The following SPTB variants were observed in gnomAD, a reference collection of about 807,000 sequenced individuals.
The protein encoded by SPTB is spectrin beta, erythrocytic.
Under a neutral mutation model 256.2 loss-of-function variants are expected in SPTB, and 45 were observed. The ratio of observed to expected loss-of-function variants is 0.18; its 90% CI spans 0.14 to 0.23. The LOEUF (loss-of-function observed/expected upper bound fraction) is 0.23. Ranked by LOEUF, SPTB falls within the 10% of genes least tolerant of loss-of-function variation. The probability of loss-of-function intolerance (pLI) is 1.00; values close to 1 mark genes in which losing one functional copy is unlikely to be tolerated. For synonymous variants in SPTB, 1,231 were observed against 1,243.1 expected, an observed-to-expected ratio of 0.99 and a Z score of 0.21; for missense variants, 2,715 against 3,040.4, an observed-to-expected ratio of 0.89 and a Z score of 2.52.
rs768807740 is a variant in SPTB, at chr14:64,795,485, A to T, written c.1496T>A (p.Ile499Asn). 3.7e-6 allele frequency: 6 copies of T among 1,614,108 alleles called. No individual in the cohort carries two copies. The East Asian group carries it at 1.3e-4, about 36-fold the overall frequency. Residue 499 changes from isoleucine to asparagine, a missense_variant, in exon 12 of 36, where the codon ATC becomes AAC. Ile to Asn is a moderately radical substitution (Grantham distance 149). This residue lies in a region of SPTB where 2,239 missense variants were observed against 2,384.4 expected (regional missense o/e 0.94). Transcript: ENST00000644917. This position sits in a 1 kb window ranked among gnomAD's most constrained non-coding sequence, Gnocchi z 6.5. ...EKENYHDQKR[I>N]TARKDNILRL... is the part of the protein sequence containing the mutation. ...CAGTATATTGTCCTTGCGGGCCGTG[A>T]TGCGCTTCTGGTCATGGTAGTTCTC...
intron 1 of SPTB, among the ~76,000 whole-genome samples, chr14:64,861,857 G>A (rs17102244): frequency 0.029 from 4,464 of 152,240 alleles, 101 homozygotes; most frequent in South Asian, 0.12. Flanking sequence ...CGTTAGACAC[G>A]ATTAACCATC....
intron 32 of SPTB, among the ~76,000 whole-genome samples, chr14:64,765,579 A>C (rs1017942645): frequency 6.6e-5 from 10 of 152,152 alleles, no homozygotes; most frequent in African/African-American, 2.4e-4. Context: ...TGTTACTCAA[A>C]GCCCTGGGAT....
rs2082490043 is a variant in SPTB, at chr14:64,782,490, C to T, written c.4066G>A (p.Ala1356Thr). The T allele has an allele frequency of 6.2e-7, 1 of 1,614,164 alleles. No individual in the cohort carries two copies. Among genetic ancestry groups the T allele is most frequent in the African/African-American group, 1.3e-5 (1 of 75,066 alleles). ...FTALVSQKLE[A>T]LHRLWDELQA... Reference sequence around the variant, plus strand: ...AGCTCGTCCCAGAGCCGGTGCAGGGCTTCCAGCTTTTGGGACACCAGGGCT... The same window carrying T: ...AGCTCGTCCCAGAGCCGGTGCAGGGTTTCCAGCTTTTGGGACACCAGGGCT... The change falls in exon 20 of 36, where the codon GCC (alanine) becomes ACC (threonine). Residue 1356 changes from alanine to threonine, a missense_variant. By Grantham distance (58) the Ala-to-Thr change is moderately conservative (BLOSUM62 0). Around this residue, in one of 4 missense-constraint regions of SPTB, gnomAD observed 2,239 missense variants for 2,384.4 expected, o/e 0.94. Transcript: ENST00000644917.
chr14:64,771,118 G>T lies in SPTB; in HGVS notation c.5565C>A (p.Phe1855Leu). The change falls in exon 27 of 36, where the codon TTC becomes TTA. Residue 1855 changes from phenylalanine (F) to leucine (L), a missense_variant. Phe to Leu is a conservative substitution (Grantham distance 22). Around this residue, in one of 4 missense-constraint regions of SPTB, gnomAD observed 2,239 missense variants for 2,384.4 expected, o/e 0.94. Coordinates refer to ENST00000644917, the MANE Select transcript of SPTB (RefSeq NM_001355436.2). ...TCTGCAGACGGGTGGCCACGTCCTG[G>T]AACTGCTGCACCTGTGGTCAGGCAA... ...LHLLGVQVQQ[F>L]QDVATRLQTA... The T allele has an allele frequency of 6.2e-7, 1 of 1,613,840 alleles. No homozygotes were observed. Among genetic ancestry groups the T allele is most frequent in the South Asian group, 1.1e-5 (1 of 91,086 alleles).
At chr14:64,814,489 G>T (rs1314510126) in intron 2 of SPTB, among the ~76,000 whole-genome samples, 1 of 151,946 alleles carries the variant, frequency 6.6e-6, no homozygotes, top group Non-Finnish European at 1.5e-5. Flanking sequence ...ATGTTAAAAA[G>T]ATATCAAAGT....
At chr14:64,791,982 C>T in intron 14 of SPTB, 126 bp from the exon 15 acceptor site, 1 of 1,303,820 alleles carries the variant, frequency 7.7e-7, no homozygotes, top group East Asian at 2.5e-5. Flanking sequence ...AACCATTTGC[C>T]CAGGTGAGGC....
At chr14:64,809,395 G>C (rs938715237) in intron 2 of SPTB, among the ~76,000 whole-genome samples, 3 of 151,732 alleles carry the variant, frequency 2.0e-5, no homozygotes, top group African/African-American at 7.3e-5. Flanking sequence ...GCCTAGGCTG[G>C]AGTGCAGTGG....
chr14:64,818,838 G>A (rs1005032838), intron 2 of SPTB, among the ~76,000 whole-genome samples: 3 of 152,198 alleles, frequency 2.0e-5, no homozygotes, highest in African/African-American at 7.2e-5. Context: ...TGGAAGGATA[G>A]GAACTTGGGC....
chr14:64,810,027 A>C (rs1429482002), intron 2 of SPTB, among the ~76,000 whole-genome samples: 1 of 152,224 alleles, frequency 6.6e-6, no homozygotes, highest in Non-Finnish European at 1.5e-5. Flanking sequence ...AACTTCATTG[A>C]AAAAACATGC....
intron 7 of SPTB, 72 bp from the exon 8 acceptor site, chr14:64,800,940 C>G: frequency 8.5e-7 from 1 of 1,171,550 alleles, no homozygotes; most frequent in Admixed American, 2.0e-5. Flanking sequence ...GGGTTTATTC[C>G]CCATTCCTCC....
In SPTB at chr14:64,764,700, C is replaced by T. The variant is rs776794888; in HGVS notation, c.6345+2026G>A. 6.6e-6 allele frequency among the ~76,000 whole-genome samples: 1 copy of T among 152,208 alleles called. No individual in the cohort carries two copies. Among genetic ancestry groups the T allele is most frequent in the Non-Finnish European group, 1.5e-5 (1 of 68,036 alleles). On this transcript the variant is annotated intron_variant, in intron 32 of 35. Transcript: ENST00000644917. This position sits in a 1 kb window ranked among gnomAD's most constrained non-coding sequence, Gnocchi z 4.2. ...TCACAGAGGAGCCCGCACACCAGGACACCGCCACATGCAGACACACAGGGA... is the reference window on the plus strand; with the variant it reads ...TCACAGAGGAGCCCGCACACCAGGATACCGCCACATGCAGACACACAGGGA...
intron 1 of SPTB, among the ~76,000 whole-genome samples, chr14:64,875,240 T>C (rs896141987): frequency 3.3e-5 from 5 of 152,188 alleles, no homozygotes; most frequent in Non-Finnish European, 7.3e-5. Flanking sequence ...AGACAATTCA[T>C]TAAGGAAGCA....
intron 26 of SPTB, 30 bp from the exon 27 acceptor site, chr14:64,771,159 C>T: frequency 1.2e-6 from 2 of 1,611,754 alleles, no homozygotes; most frequent in Non-Finnish European, 1.7e-6. Context: ...GACATTGTTC[C>T]CTGGACATTG....
chr14:64,787,309 C>T lies in SPTB; in HGVS notation c.2805-149G>A, dbSNP rs952135367. The T allele has an allele frequency of 3.0e-5, 33 of 1,083,596 alleles. No homozygotes were observed. In the African/African-American group the frequency reaches 3.5e-4, roughly 12 times the overall value. 67.1% of individuals were successfully genotyped at this position (1,083,596 alleles called of 1,614,324 possible). ...AAAAGAAAAAAAAAAATCTACCTAA[C>T]GAAGTGTAGGTGAGCAAAATTCACT... On this transcript the variant is annotated intron_variant, in intron 15 of 35. Transcript: ENST00000644917.
rs1312059301 is a variant in SPTB at position 64,795,490 on chromosome 14, C to G, written c.1491G>C (p.Lys497Asn). 6.2e-7 allele frequency: 1 copy of G among 1,614,188 alleles called. No homozygotes were observed. Among genetic ancestry groups the G allele is most frequent in the South Asian group, 1.1e-5 (1 of 91,080 alleles). Residue 497 changes from lysine to asparagine, a missense_variant, in exon 12 of 36, where the codon AAG (lysine) becomes AAC (asparagine). Transcript: ENST00000644917. This position sits in a 1 kb window ranked among gnomAD's most constrained non-coding sequence, Gnocchi z 6.5. The stretch of plus-strand genomic sequence containing the variant: ...TATTGTCCTTGCGGGCCGTGATGCG[C>G]TTCTGGTCATGGTAGTTCTCTTTCT... ...ELEKENYHDQ[K>N]RITARKDNIL...
chr14:64,800,699 T>C, intron 8 of SPTB, 57 bp downstream of exon 8: 1 of 1,482,278 alleles, frequency 6.7e-7, no homozygotes, highest in Non-Finnish European at 9.4e-7. Context: ...AGGGCCACTC[T>C]GTCTGGACCT....
rs548664320 is a variant in SPTB, at chr14:64,826,034, A to G, written c.-51-2889T>C. Among the ~76,000 whole-genome samples the G allele has an allele frequency of 3.3e-4, 51 of 152,284 alleles. No homozygotes were observed. The highest frequency in any genetic ancestry group is 3.1e-3 in the Admixed American group (47 of 15,302). ...AGGTCCCTGAAAACAAACACCAAGGAAAGATGATTCAGAAATGAAAGTGAG... is the reference window on the plus strand; with the variant it reads ...AGGTCCCTGAAAACAAACACCAAGGGAAGATGATTCAGAAATGAAAGTGAG... On this transcript the variant is annotated intron_variant, in intron 1 of 35. Transcript: ENST00000644917. This position sits in a 1 kb window ranked among gnomAD's most constrained non-coding sequence, Gnocchi z 4.4.
In SPTB at chr14:64,792,831, G is replaced by A. The variant is rs1194102177; in HGVS notation, c.2666+166C>T. The stretch of plus-strand genomic sequence containing the variant: ...AGGGTGAAGTACCCCAGGCCACAGA[G>A]CCAGAATAGAACTTATGACTCCTAA... On this transcript the variant is annotated intron_variant, in intron 14 of 35. Coordinates refer to ENST00000644917, the MANE Select transcript of SPTB (RefSeq NM_001355436.2). This position sits in a 1 kb window ranked among gnomAD's most constrained non-coding sequence, Gnocchi z 4.2. Among the ~76,000 whole-genome samples the A allele has an allele frequency of 6.6e-6, 1 of 152,200 alleles. No homozygotes were observed. The highest frequency in any genetic ancestry group is 2.4e-5 in the African/African-American group (1 of 41,458).
At chr14:64,768,989 G>T (rs111842004) in intron 29 of SPTB, 45 bp downstream of exon 29, 3 of 1,500,642 alleles carry the variant, frequency 2.0e-6, no homozygotes, top group African/African-American at 1.4e-5. Context: ...CTACTCCTGC[G>T]GGGGTACTCC....
Sources: gnomAD v4.1 joint callset for allele counts (sites outside exome capture counted in the v4.1 genomes callset) on GRCh38, gnomAD v4.1.1 for gene constraint, gnomAD v4.1.1 regional missense constraint, Gnocchi (gnomAD v3.1) non-coding constraint, MANE v1.5 for transcripts, NCBI Gene and HGNC (gene_info 2026-07-23, HGNC 2026-07-21) for gene names.